PLEKHA6: variants seen among roughly 807,000 people sequenced by gnomAD.
PLEKHA6 encodes the protein pleckstrin homology domain-containing family A member 6.
In PLEKHA6, 60 loss-of-function variants were observed where a neutral mutation model predicts 116.7. The observed-to-expected ratio is 0.51, with a 90% CI of 0.42 to 0.64. PLEKHA6 has a LOEUF of 0.64. PLEKHA6 is among the 30% of genes least tolerant of loss of function. The probability of loss-of-function intolerance (pLI) is 0.00; values close to 1 mark genes in which losing one functional copy is unlikely to be tolerated. For missense variants in PLEKHA6, 1,338 were observed against 1,422.7 expected (o/e 0.94, Z 0.96); for synonymous variants, 489 against 556.1 (o/e 0.88, Z 1.70).
At chr1:204,345,163 A>C (rs1308828122) in intron 1 of PLEKHA6, among the ~76,000 whole-genome samples, 1 of 152,210 alleles carries the variant, frequency 6.6e-6, no homozygotes, top group Non-Finnish European at 1.5e-5. Context: ...ATATAACTTA[A>C]TAAGTATAAG....
chr1:204,323,725 T>C (rs893023769), intron 1 of PLEKHA6, among the ~76,000 whole-genome samples: 2 of 152,232 alleles, frequency 1.3e-5, no homozygotes, highest in South Asian at 2.1e-4. Context: ...GGGTGTAAGC[T>C]ACCTAGTATT....
rs1454376284 is a variant in PLEKHA6 at position 204,259,160 on chromosome 1, AG to A, written c.1007+97del. The A allele has an allele frequency of 4.8e-5, 67 of 1,382,120 alleles. No homozygotes were observed. Among genetic ancestry groups the A allele is most frequent in the Non-Finnish European group, 6.5e-5 (66 of 1,023,020 alleles). The allele number at this position is 1,382,120 out of a possible 1,614,324, so 85.6% of individuals were successfully genotyped here. A position where few individuals can be genotyped will look rare whatever the true frequency, so the allele number is the denominator to read the frequency against. On this transcript the variant is annotated intron_variant, in intron 8 of 22. Coordinates refer to ENST00000272203, the MANE Select transcript of PLEKHA6 (RefSeq NM_014935.5). The surrounding 1 kb of genome is among the most constrained non-coding windows in gnomAD (Gnocchi z 4.6). ...TTTCCCAACTCAGCCTGCTTCCAGA[AG>A]GTTTCCAACAGGGGATGCCTCGTGG...
intron 4 of PLEKHA6, 119 bp downstream of exon 4, chr1:204,268,089 A>ATAAAAT: frequency 1.7e-6 from 1 of 572,772 alleles, no homozygotes. Context: ...AGACTCATTC[A>ATAAAAT]CAGAGACAGC....
At chr1:204,274,302 A>G (rs1488090078) in intron 2 of PLEKHA6, among the ~76,000 whole-genome samples, 2 of 151,968 alleles carry the variant, frequency 1.3e-5, no homozygotes, top group African/African-American at 4.8e-5. Context: ...AAAAGACACA[A>G]CTGCTTAGTG....
intron 1 of PLEKHA6, among the ~76,000 whole-genome samples, chr1:204,316,549 G>C (rs1671868209): frequency 1.3e-5 from 2 of 152,200 alleles, no homozygotes; most frequent in African/African-American, 4.8e-5. Context: ...CCGGAGCTGA[G>C]TTTGCCCTGC....
chr1:204,308,930 C>T (rs1017046773), intron 1 of PLEKHA6: 6 of 175,072 alleles, frequency 3.4e-5, no homozygotes, highest in Non-Finnish European at 6.7e-5. Context: ...ACCTCATGAT[C>T]CGCCCACCTT....
rs1417371883 is a variant in PLEKHA6, at chr1:204,259,339, G to T, written c.926C>A (p.Ala309Asp). The part of the protein sequence containing the change: ...FPPRTNPDKI[A>D]QRKSSMNQLQ... ...CTGGTTCATGGAGCTCTTGCGCTGGGCAATTTTGTCAGGGTTGGTGCGTGG... is the reference window on the plus strand; with the variant it reads ...CTGGTTCATGGAGCTCTTGCGCTGGTCAATTTTGTCAGGGTTGGTGCGTGG... The change falls in exon 8 of 23, where the codon GCC becomes GAC. Residue 309 changes from alanine (A) to aspartate (D), a missense_variant. Transcript: ENST00000272203. The surrounding 1 kb of genome is among the most constrained non-coding windows in gnomAD (Gnocchi z 4.6). 1 of 1,614,088 alleles carries T rather than the reference G, an allele frequency of 6.2e-7. No homozygotes were observed. Among genetic ancestry groups the T allele is most frequent in the Non-Finnish European group, 8.5e-7 (1 of 1,180,036 alleles).
At chr1:204,302,163 C>T (rs1456582162) in intron 1 of PLEKHA6, among the ~76,000 whole-genome samples, 4 of 152,150 alleles carry the variant, frequency 2.6e-5, no homozygotes, top group Non-Finnish European at 5.9e-5. Flanking sequence ...AGGATGGTGG[C>T]AATCAAATTC....
intron 1 of PLEKHA6, among the ~76,000 whole-genome samples, chr1:204,357,975 G>A (rs1553284554): frequency 6.6e-6 from 1 of 152,188 alleles, no homozygotes; most frequent in Non-Finnish European, 1.5e-5. Flanking sequence ...AATCCAGGCA[G>A]ACACATTCAA....
chr1:204,311,479 G>A (rs1330145105), intron 1 of PLEKHA6: 8 of 349,528 alleles, frequency 2.3e-5, no homozygotes, highest in South Asian at 1.2e-4. Flanking sequence ...CAACAAGAGC[G>A]AAACTCTGTG....
chr1:204,354,549 T>C (rs1673366572), intron 1 of PLEKHA6, among the ~76,000 whole-genome samples: 1 of 152,220 alleles, frequency 6.6e-6, no homozygotes, highest in African/African-American at 2.4e-5. Flanking sequence ...AGCACTTCCA[T>C]GTACATTACT....
At chr1:204,271,756 G>A (rs1428104961) in intron 3 of PLEKHA6, among the ~76,000 whole-genome samples, 3 of 152,190 alleles carry the variant, frequency 2.0e-5, no homozygotes, top group African/African-American at 7.2e-5. Flanking sequence ...GAGCATGCTG[G>A]AGGAAAACCA....
intron 1 of PLEKHA6, among the ~76,000 whole-genome samples, chr1:204,336,841 C>T (rs998716066): frequency 2.0e-5 from 3 of 152,192 alleles, no homozygotes; most frequent in Admixed American, 2.0e-4. Context: ...TGTGACAAGT[C>T]CCCTGCTAGG....
upstream of PLEKHA6, among the ~76,000 whole-genome samples, chr1:204,360,306 G>T (rs756437502): frequency 2.0e-5 from 3 of 149,328 alleles, no homozygotes; most frequent in Non-Finnish European, 2.9e-5. Context: ...CACCTCTGTG[G>T]CTGTCTACTC....
chr1:204,330,913 G>C (rs946685581), intron 1 of PLEKHA6, among the ~76,000 whole-genome samples: 5 of 152,160 alleles, frequency 3.3e-5, no homozygotes, highest in Non-Finnish European at 7.3e-5. Context: ...CAAGCATCTC[G>C]GCCAGGCACG....
rs1338748068 is a variant in PLEKHA6, at chr1:204,228,564, C to T, written c.2885+164G>A. Among the ~76,000 whole-genome samples the T allele has an allele frequency of 6.6e-6, 1 of 152,164 alleles. No homozygotes were observed. Among genetic ancestry groups the T allele is most frequent in the Non-Finnish European group, 1.5e-5 (1 of 68,026 alleles). ...AGGTCTTAGTAGCACCTGACAGCAG[C>T]ATCCTTGCCTCTGCCGGTAGCTGGG... On this transcript the variant is annotated intron_variant, in intron 20 of 22. Coordinates refer to ENST00000272203, the MANE Select transcript of PLEKHA6 (RefSeq NM_014935.5). This position sits in a 1 kb window ranked among gnomAD's most constrained non-coding sequence, Gnocchi z 4.0.
At chr1:204,315,866 C>T (rs190764725) in intron 1 of PLEKHA6, among the ~76,000 whole-genome samples, 55 of 152,196 alleles carry the variant, frequency 3.6e-4, no homozygotes, top group Middle Eastern at 3.4e-3. Flanking sequence ...GGAGGCTGGG[C>T]GTTTTAGAGG....
At chr1:204,265,100 C>A (rs150599531) in intron 5 of PLEKHA6, 58 bp from the exon 6 acceptor site, 7 of 1,107,988 alleles carry the variant, frequency 6.3e-6, no homozygotes, top group Non-Finnish European at 9.7e-6. Context: ...CGTGTGCGTG[C>A]GCCAGGGGTG....
intron 1 of PLEKHA6, chr1:204,313,799 G>T: frequency 2.8e-6 from 2 of 704,522 alleles, no homozygotes; most frequent in Non-Finnish European, 1.7e-6. Context: ...AGCAGCAAAT[G>T]CAGAAACCTG....
Sources: allele counts gnomAD v4.1 joint callset (sites outside exome capture counted in the v4.1 genomes callset), GRCh38; gene constraint gnomAD v4.1.1; non-coding constraint Gnocchi (gnomAD v3.1); transcripts MANE v1.5; gene names NCBI Gene and HGNC (gene_info 2026-07-23, HGNC 2026-07-21).